The following GRAMD1B variants were observed in gnomAD, a reference collection of about 807,000 sequenced individuals.
The protein encoded by GRAMD1B is protein Aster-B.
In GRAMD1B, 37 loss-of-function variants were observed where a neutral mutation model predicts 99.7. That is an observed-to-expected ratio of 0.37 (90% CI 0.29 to 0.49). GRAMD1B has a LOEUF of 0.49. Ranked by LOEUF, GRAMD1B falls within the 20% of genes least tolerant of loss-of-function variation. The pLI, the probability that GRAMD1B is intolerant of heterozygous loss-of-function variation, is 0.98. For missense variants in GRAMD1B, 888 were observed against 1,009.2 expected, an observed-to-expected ratio of 0.88 and a Z score of 1.63; for synonymous variants, 427 against 387.6, an observed-to-expected ratio of 1.10 and a Z score of -1.19.
At chr11:123,459,661 C>CA (rs1950320980) in intron 1 of GRAMD1B, 2 of 151,012 alleles carry the variant, frequency 1.3e-5, no homozygotes, top group African/African-American at 4.8e-5. Context: ...AGATAGTGTG[C>CA]AAAAAATCCA....
intron 18 of GRAMD1B, 43 bp downstream of exon 18, chr11:123,618,843 C>T: frequency 1.0e-6 from 1 of 965,008 alleles, no homozygotes; most frequent in East Asian, 2.6e-5. Context: ...TCATCCCACC[C>T]AGTGCCATGA....
At position 123,571,668 on chromosome 11, in the gene GRAMD1B, C is replaced by T. The variant is rs149133317; in HGVS notation, c.453-5699C>T. On this transcript the variant is annotated intron_variant, in intron 2 of 19. Transcript: ENST00000635736. ...GGTGGCTGGTGGGGGTCTTAGAAGA[C>T]CTATTATGAATGAGAGCTGATGATT... Among the ~76,000 whole-genome samples, 184 of 152,232 alleles carry T rather than the reference C, an allele frequency of 1.2e-3. 1 individual carries two copies. The highest frequency in any genetic ancestry group is 4.3e-3 in the African/African-American group (177 of 41,540).
chr11:123,488,632 C>T (rs1312740000), intron 2 of GRAMD1B, among the ~76,000 whole-genome samples: 11 of 152,040 alleles, frequency 7.2e-5, no homozygotes, highest in Non-Finnish European at 2.9e-5. Context: ...GGATCTTCTC[C>T]CCTCGCCACC....
chr11:123,444,279 G>T (rs573533972), intron 1 of GRAMD1B, among the ~76,000 whole-genome samples: 1 of 152,228 alleles, frequency 6.6e-6, no homozygotes, highest in Admixed American at 6.5e-5. Flanking sequence ...TTATGCTAGA[G>T]TCAGGTTGGA....
chr11:123,591,637 A>G lies in GRAMD1B; in HGVS notation c.685-2445A>G, dbSNP rs1950657786. ...CTACCCGAAGGCCCCAGATTTGACA[A>G]TCTTGGAACCGAAATTATTTGACCA... On this transcript the variant is annotated intron_variant, in intron 4 of 19. Transcript: ENST00000635736. The surrounding 1 kb of genome is among the most constrained non-coding windows in gnomAD (Gnocchi z 4.7). 2 of 396,942 alleles carry G rather than the reference A, an allele frequency of 5.0e-6. No individual in the cohort carries two copies. The highest frequency in any genetic ancestry group is 4.4e-5 in the Admixed American group (1 of 22,700). 24.6% of individuals were successfully genotyped at this position (396,942 alleles called of 1,614,324 possible).
At chr11:123,551,999 C>T (rs1591960731) in intron 2 of GRAMD1B, among the ~76,000 whole-genome samples, 1 of 152,112 alleles carries the variant, frequency 6.6e-6, no homozygotes, top group East Asian at 1.9e-4. Flanking sequence ...CCTCGTTTTC[C>T]CCAATCCCAT....
At chr11:123,385,835 G>A (rs375581258) in intron 1 of GRAMD1B, among the ~76,000 whole-genome samples, 8 of 152,148 alleles carry the variant, frequency 5.3e-5, no homozygotes, top group Non-Finnish European at 7.4e-5. Context: ...GCTGGAGATC[G>A]GAGGTCCTTC....
intron 17 of GRAMD1B, among the ~76,000 whole-genome samples, chr11:123,615,756 T>A (rs180931688): frequency 6.0e-4 from 92 of 152,356 alleles, no homozygotes; most frequent in Non-Finnish European, 1.1e-3. Context: ...GCTGATGTGG[T>A]CCTGGAGCTC....
chr11:123,444,267 T>G (rs911153803), intron 1 of GRAMD1B, among the ~76,000 whole-genome samples: 3 of 152,192 alleles, frequency 2.0e-5, no homozygotes, highest in African/African-American at 4.8e-5. Context: ...TTTATCGTAA[T>G]ATTATGCTAG....
chr11:123,583,388 A>ATG lies in GRAMD1B; in HGVS notation c.664-919_664-918dup, dbSNP rs745380390. On this transcript the variant is annotated intron_variant, in intron 3 of 19. Coordinates refer to ENST00000635736, the MANE Select transcript of GRAMD1B (RefSeq NM_001387025.1). ...GTGTGTGTGCACGTGTGTGGTGTGT[A>ATG]TGTGTGCGTGTGTGTGTGTGTCTGT... Among the ~76,000 whole-genome samples the ATG allele has an allele frequency of 8.4e-3, 585 of 69,958 alleles. 2 individuals are homozygous for ATG. Among genetic ancestry groups the ATG allele is most frequent in the Non-Finnish European group, 0.014 (441 of 32,466 alleles). The allele number at this position is 69,958 out of a possible 152,430, so 45.9% of individuals were successfully genotyped here.
chr11:123,488,931 G>A (rs1038497767), intron 2 of GRAMD1B, among the ~76,000 whole-genome samples: 3 of 145,718 alleles, frequency 2.1e-5, no homozygotes, highest in African/African-American at 7.5e-5. Context: ...AAAATAGTTA[G>A]GGGGGGGCGG....
intron 1 of GRAMD1B, among the ~76,000 whole-genome samples, chr11:123,380,970 G>C (rs1946853114): frequency 6.6e-6 from 1 of 151,736 alleles, no homozygotes; most frequent in Non-Finnish European, 1.5e-5. Context: ...CATACCTCAG[G>C]GTGCTTCTTA....
At chr11:123,404,105 G>A (rs1411178541) in intron 1 of GRAMD1B, among the ~76,000 whole-genome samples, 1 of 152,020 alleles carries the variant, frequency 6.6e-6, no homozygotes, top group African/African-American at 2.4e-5. Flanking sequence ...TTTATTCCTT[G>A]CAAATTGGTT....
chr11:123,560,680 G>A (rs1283231179), intron 2 of GRAMD1B: 1 of 419,220 alleles, frequency 2.4e-6, no homozygotes, highest in Non-Finnish European at 4.6e-6. Flanking sequence ...CTGACGCCTG[G>A]TGCGTGTGTG....
At position 123,388,681 on chromosome 11, in the gene GRAMD1B, T is replaced by TCAAACAAACAAA. The variant is rs35971361; in HGVS notation, c.-176+29907_-176+29918dup. Among the ~76,000 whole-genome samples the TCAAACAAACAAA allele has an allele frequency of 7.5e-3, 1,124 of 149,556 alleles. 12 individuals carry two copies. Among genetic ancestry groups the TCAAACAAACAAA allele is most frequent in the African/African-American group, 0.027 (1,070 of 40,012 alleles). On this transcript the variant is annotated intron_variant, in intron 1 of 20. Coordinates refer to the GRAMD1B transcript ENST00000638157. ...AACAGAATGACAGTGAGACCCTGTT[T>TCAAACAAACAAA]CAAACAAACAAACAAACAAACAAAC...
intron 1 of GRAMD1B, among the ~76,000 whole-genome samples, chr11:123,408,922 A>G (rs1947945954): frequency 6.8e-6 from 1 of 147,374 alleles, no homozygotes; most frequent in African/African-American, 2.7e-5. Context: ...CAGATAAAGT[A>G]CAATATCTAT....
intron 1 of GRAMD1B, among the ~76,000 whole-genome samples, chr11:123,438,394 A>AG (rs1251803293): frequency 6.6e-6 from 1 of 151,980 alleles, no homozygotes; most frequent in Non-Finnish European, 1.5e-5. Flanking sequence ...GTAGATGTGG[A>AG]GGGGGAGGTC....
intron 1 of GRAMD1B, chr11:123,435,435 T>G (rs1303070673): frequency 2.8e-6 from 2 of 702,674 alleles, no homozygotes; most frequent in Non-Finnish European, 5.2e-6. Flanking sequence ...GACTTGAAGC[T>G]CAAGCTTGCG....
At chr11:123,528,383 G>A (rs937693552) in intron 2 of GRAMD1B, among the ~76,000 whole-genome samples, 8 of 152,178 alleles carry the variant, frequency 5.3e-5, no homozygotes, top group African/African-American at 1.9e-4. Flanking sequence ...CTATGGGTTG[G>A]TGATATATAA....
Sources: gnomAD v4.1 joint callset for allele counts (sites outside exome capture counted in the v4.1 genomes callset) on GRCh38, gnomAD v4.1.1 for gene constraint, Gnocchi (gnomAD v3.1) non-coding constraint, MANE v1.5 for transcripts, NCBI Gene and HGNC (gene_info 2026-07-23, HGNC 2026-07-21) for gene names.